Variants in PIDD1 observed in about 807,000 individuals in gnomAD.
PIDD1 encodes p53-induced death domain-containing protein 1.
Under a neutral mutation model 80.0 loss-of-function variants are expected in PIDD1, and 72 were observed. The ratio of observed to expected loss-of-function variants is 0.90; its 90% confidence interval spans 0.74 to 1.09. PIDD1 has a LOEUF of 1.09. PIDD1 is among the 50% of genes least tolerant of loss of function. The probability of loss-of-function intolerance (pLI) is 0.00; values close to 1 mark genes in which losing one functional copy is unlikely to be tolerated. For synonymous variants in PIDD1, 655 were observed against 543.5 expected, an observed-to-expected ratio of 1.21 and a Z score of -2.85; for missense variants, 1,329 against 1,228.3, an observed-to-expected ratio of 1.08 and a Z score of -1.23.
chr11:800,234 T>G lies in PIDD1; in HGVS notation c.2171A>C (p.Tyr724Ser). Residue 724 changes from tyrosine to serine, a missense_variant, in exon 14 of 16, where the codon TAC becomes TCC. Physicochemically the swap from Tyr to Ser is moderately radical, Grantham distance 144 (BLOSUM62 -2). Coordinates refer to ENST00000347755, the MANE Select transcript of PIDD1 (RefSeq NM_145886.4). ...AQAVRGQVSF[Y>S]RGAVPVRVPE... Reference sequence around the variant, plus strand: ...CACCCGCACAGGCACCGCGCCACGGTAGAAGGACACCTGAAGGGGCATCGA... The same window carrying G: ...CACCCGCACAGGCACCGCGCCACGGGAGAAGGACACCTGAAGGGGCATCGA... 1 of 1,610,228 alleles carries G rather than the reference T, an allele frequency of 6.2e-7. No individual in the cohort carries two copies. Among genetic ancestry groups the G allele is most frequent in the Non-Finnish European group, 8.5e-7 (1 of 1,178,728 alleles).
chr11:802,183 C>T lies in PIDD1; in HGVS notation c.1176+12G>A. 4 of 1,593,534 alleles carry T rather than the reference C, an allele frequency of 2.5e-6. No individual in the cohort carries two copies. The highest frequency in any genetic ancestry group is 3.4e-6 in the Non-Finnish European group (4 of 1,171,078). On this transcript the variant is annotated intron_variant, in intron 6 of 15. Coordinates refer to ENST00000347755, the MANE Select transcript of PIDD1 (RefSeq NM_145886.4). The stretch of plus-strand genomic sequence containing the variant: ...TGGCCCACACACTGCCCCCGCCACG[C>T]CCTGTCCATGCCTGCTGGAAGGCCA...
chr11:805,607 C>T (rs1460220911), upstream of PIDD1: 3 of 984,950 alleles, frequency 3.0e-6, no homozygotes, highest in African/African-American at 5.2e-5. Context: ...GCCGCTGCCC[C>T]GCACCCACCC....
chr11:802,403 G>C lies in PIDD1; in HGVS notation c.975-7C>G, dbSNP rs1041626038. Reference sequence around the variant, plus strand: ...TTGAGGGGTCACAGGAAAGCTGAGTGAGGAAGGAGCGAGCAACAGGTTAGA... The same window carrying C: ...TTGAGGGGTCACAGGAAAGCTGAGTCAGGAAGGAGCGAGCAACAGGTTAGA... On this transcript the variant is annotated splice_region_variant and splice_polypyrimidine_tract_variant and intron_variant, in intron 5 of 15. Coordinates refer to ENST00000347755, the MANE Select transcript of PIDD1 (RefSeq NM_145886.4). 1.2e-6 allele frequency: 2 copies of C among 1,611,304 alleles called. No homozygotes were observed. Among genetic ancestry groups the C allele is most frequent in the African/African-American group, 2.7e-5 (2 of 74,900 alleles).
chr11:802,619 G>A (rs1865456887), intron 4 of PIDD1, 22 bp from the exon 5 acceptor site: 10 of 1,610,994 alleles, frequency 6.2e-6, no homozygotes, highest in South Asian at 1.1e-5. Flanking sequence ...ACAGACATGT[G>A]CTCAGGACAG....
chr11:804,073 C>T (rs973283835), intron 2 of PIDD1, 21 bp downstream of exon 2: 1 of 1,588,412 alleles, frequency 6.3e-7, no homozygotes, highest in Non-Finnish European at 8.6e-7. Context: ...GGAGACAGGG[C>T]CCAGAACAGG....
chr11:806,291 T>C (rs1865769736), upstream of PIDD1, among the ~76,000 whole-genome samples: 1 of 149,340 alleles, frequency 6.7e-6, no homozygotes, highest in African/African-American at 2.5e-5. Context: ...CCACCAGCTA[T>C]GCCTGCTTCT....
In PIDD1 at chr11:802,881, C is replaced by A; in HGVS notation, c.720G>T (p.Arg240=). Residue 240 remains arginine (R), a synonymous_variant, in exon 4 of 16, where the codon CGG becomes CGT. Transcript: ENST00000347755. ...QSLPASLAGL[R]SLRLLVLHSN... ...TGTGCAGGACAAGGAGCCGCAAGGA[C>A]CGAAGTCCCGCTGCGGGCAGTTGCT... is the stretch of plus-strand genomic sequence containing the variant. 6.4e-7 allele frequency: 1 copy of A among 1,567,216 alleles called. No individual in the cohort carries two copies. Among genetic ancestry groups the A allele is most frequent in the African/African-American group, 1.3e-5 (1 of 74,170 alleles).
rs779629465 is a variant in PIDD1 at position 799,389 on chromosome 11, ATGC to A, written c.2648_2650del (p.Ser883del). On this transcript the variant is annotated inframe_deletion, in exon 16 of 16. Transcript: ENST00000347755. The stretch of plus-strand genomic sequence containing the variant: ...CTTGGGGGCCAAGCCCATGCGTCGG[ATGC>A]TGTCCTGGTACTTGCGGCGGCCGAG... 4 of 1,611,862 alleles carry A rather than the reference ATGC, an allele frequency of 2.5e-6. No homozygotes were observed. The African/African-American group carries it at 5.3e-5, about 22-fold the overall frequency.
Position 799,226 on chromosome 11 carries a change from C to T in PIDD1, c.*81G>A. 1 of 1,374,758 alleles carries T rather than the reference C, an allele frequency of 7.3e-7. No individual in the cohort carries two copies. The highest frequency in any genetic ancestry group is 9.7e-7 in the Non-Finnish European group (1 of 1,028,252). 85.2% of individuals were successfully genotyped at this position (1,374,758 alleles called of 1,614,324 possible). A position where few individuals can be genotyped will look rare whatever the true frequency, so the allele number is the denominator to read the frequency against. On this transcript the variant is annotated 3_prime_UTR_variant, in exon 16 of 16. Coordinates refer to ENST00000347755, the MANE Select transcript of PIDD1 (RefSeq NM_145886.4). ...TTTTGTTGCTCACAGGGACCCGTCCCCACACACTGGAGAGACTTGAAGGTG... is the reference window on the plus strand; with the variant it reads ...TTTTGTTGCTCACAGGGACCCGTCCTCACACACTGGAGAGACTTGAAGGTG...
Position 803,213 on chromosome 11 carries a change from G to C in PIDD1, c.670C>G (p.Leu224Val). ...AGGCTCTGCAGCCGGTTGGAGGCCA[G>C]GTTGAGCTCCAGGAGGCTGCCCAGG... The part of the protein sequence containing the change: ...GGLGSLLELN[L>V]ASNRLQSLPA... The change falls in exon 3 of 16, where the codon CTG becomes GTG. Residue 224 changes from leucine (L) to valine (V), a missense_variant. Coordinates refer to ENST00000347755, the MANE Select transcript of PIDD1 (RefSeq NM_145886.4). 1 of 1,611,246 alleles carries C rather than the reference G, an allele frequency of 6.2e-7. No individual in the cohort carries two copies. Among genetic ancestry groups the C allele is most frequent in the East Asian group, 2.2e-5 (1 of 44,878 alleles).
In PIDD1 at chr11:804,186, C is replaced by T. The variant is rs774798086; in HGVS notation, c.203G>A (p.Arg68His). The T allele has an allele frequency of 8.1e-6, 13 of 1,613,158 alleles. No homozygotes were observed. Among genetic ancestry groups the T allele is most frequent in the East Asian group, 6.7e-5 (3 of 44,896 alleles). The stretch of plus-strand genomic sequence containing the variant: ...CTGAGGGTCCTCGTGAGTGCTCAGA[C>T]GCAAGAATTCCACCTGCAGCAGCTG... ...PLQLLQVEFL[R>H]LSTHEDPQLL... Residue 68 changes from arginine (R) to histidine (H), a missense_variant, in exon 2 of 16, where the codon CGT (arginine) becomes CAT (histidine). Coordinates refer to ENST00000347755, the MANE Select transcript of PIDD1 (RefSeq NM_145886.4).
At chr11:809,189 G>GTCCA (rs1484560720), upstream of PIDD1, among the ~76,000 whole-genome samples, 38 of 152,338 alleles carry the variant, frequency 2.5e-4, no homozygotes, top group African/African-American at 9.1e-4. Flanking sequence ...AGGTGCTGAT[G>GTCCA]TCCACATGGA....
rs955332695 is a variant in PIDD1 at position 801,309 on chromosome 11, T to C, written c.1539A>G (p.Ala513=). 7 of 1,604,498 alleles carry C rather than the reference T, an allele frequency of 4.4e-6. No individual in the cohort carries two copies. Among genetic ancestry groups the C allele is most frequent in the Non-Finnish European group, 6.0e-6 (7 of 1,175,426 alleles). The change falls in exon 9 of 16, where the codon GCA becomes GCG. Residue 513 remains alanine, a synonymous_variant. Transcript: ENST00000347755. ...GTGACAGGCACAGCAGGGGGCTCAC[T>C]GCAGCCTCTGGTTCTCCCAGGAGGG... ...LQALLGEPEA[A]VSPLLCLSQS... is the part of the protein sequence containing the mutation.
At chr11:808,442 G>C (rs1363843106), upstream of PIDD1, among the ~76,000 whole-genome samples, 1 of 151,688 alleles carries the variant, frequency 6.6e-6, no homozygotes, top group African/African-American at 2.4e-5. Flanking sequence ...AAAAAAAAAA[G>C]TTGGGGCCGG....
chr11:800,979 A>G lies in PIDD1; in HGVS notation c.1766+6T>C. ...AGGGGGGCTGAGAAAGCTGGGGGGC[A>G]CTGACCAGGAGAAGTGTGTGACCTG... is the stretch of plus-strand genomic sequence containing the variant. On this transcript the variant is annotated splice_donor_region_variant and intron_variant, in intron 10 of 15. Transcript: ENST00000347755. 6.3e-7 allele frequency: 1 copy of G among 1,584,260 alleles called. No homozygotes were observed. Among genetic ancestry groups the G allele is most frequent in the Non-Finnish European group, 8.6e-7 (1 of 1,158,462 alleles).
At chr11:800,506 C>T in intron 12 of PIDD1, 37 bp downstream of exon 12, 3 of 1,609,862 alleles carry the variant, frequency 1.9e-6, no homozygotes, top group Admixed American at 1.7e-5. Context: ...GGTAAGGCTC[C>T]CCCTCCAGGG....
rs778995439 is a variant in PIDD1 at position 802,362 on chromosome 11, G to A, written c.1009C>T (p.Leu337=). The change falls in exon 6 of 16, where the codon CTG becomes TTG. Residue 337 remains leucine (L), a synonymous_variant. Coordinates refer to ENST00000347755, the MANE Select transcript of PIDD1 (RefSeq NM_145886.4). ...AACTGCAGGCGGACGCCACAGGCCA[G>A]GGTCACTGAGCAGCCTTGAGGGGTC... ...PVTPQGCSVT[L]ACGVRLQFPA... The A allele has an allele frequency of 8.1e-6, 13 of 1,612,018 alleles. No homozygotes were observed. In the Admixed American group the frequency reaches 2.2e-4, roughly 27 times the overall value.
In PIDD1 at chr11:802,176, C is replaced by T. The variant is rs545681627; in HGVS notation, c.1176+19G>A. The T allele has an allele frequency of 9.0e-5, 142 of 1,582,408 alleles. 1 individual carries two copies. Among genetic ancestry groups the T allele is most frequent in the South Asian group, 4.1e-4 (36 of 88,080 alleles). The stretch of plus-strand genomic sequence containing the variant: ...CATGCCCTGGCCCACACACTGCCCC[C>T]GCCACGCCCTGTCCATGCCTGCTGG... On this transcript the variant is annotated intron_variant, in intron 6 of 15. Coordinates refer to ENST00000347755, the MANE Select transcript of PIDD1 (RefSeq NM_145886.4).
At chr11:802,937 GCGCTGGGACACTC>G in intron 3 of PIDD1, 46 bp from the exon 4 acceptor site, 5 of 1,478,156 alleles carry the variant, frequency 3.4e-6, no homozygotes, top group Non-Finnish European at 4.6e-6. Context: ...CCAGCCCACG[GCGCTGGGACACTC>G]CTGCTGCCGC....
Sources: gnomAD v4.1 joint callset for allele counts (sites outside exome capture counted in the v4.1 genomes callset) on GRCh38, gnomAD v4.1.1 for gene constraint, MANE v1.5 for transcripts, NCBI Gene and HGNC (gene_info 2026-07-23, HGNC 2026-07-21) for gene names.